The following PUM1 variants were observed in gnomAD, a reference collection of about 807,000 sequenced individuals.
PUM1 encodes the protein pumilio RNA binding family member 1, also known as pumilio homolog 1.
PUM1 carries 13 observed loss-of-function variants against 131.8 expected under a neutral mutation model. The observed-to-expected ratio is 0.10, with a 90% CI of 0.06 to 0.16. The LOEUF is 0.16. PUM1 is among the 10% of genes least tolerant of loss of function. The pLI is 1.00. For missense variants in PUM1, 961 were observed against 1,512.4 expected (o/e 0.64, Z 6.05); for synonymous variants, 509 against 556.5 (o/e 0.91, Z 1.20).
At chr1:31,011,570 T>C (rs1243616619) in intron 3 of PUM1, among the ~76,000 whole-genome samples, 3 of 152,332 alleles carry the variant, frequency 2.0e-5, no homozygotes, top group Non-Finnish European at 4.4e-5. Flanking sequence ...CAAATGATAA[T>C]GTGTTATCCA....
intron 2 of PUM1, among the ~76,000 whole-genome samples, chr1:31,057,678 T>C (rs1293952138): frequency 7.1e-6 from 1 of 140,168 alleles, no homozygotes; most frequent in Non-Finnish European, 1.5e-5. Flanking sequence ...TGAGCCGAGA[T>C]TGTGCCACTG....
At chr1:30,948,255 A>T (rs1639765073) in intron 17 of PUM1, among the ~76,000 whole-genome samples, 1 of 152,214 alleles carries the variant, frequency 6.6e-6, no homozygotes, top group Admixed American at 6.5e-5. Flanking sequence ...GAATACTTAT[A>T]AACAAAATGA....
chr1:31,024,152 G>A (rs1643139544), intron 3 of PUM1, among the ~76,000 whole-genome samples: 1 of 152,062 alleles, frequency 6.6e-6, no homozygotes, highest in Non-Finnish European at 1.5e-5. Context: ...TTGTCTTACG[G>A]GTAGAAAAAA....
At chr1:31,014,963 T>TTAAA (rs1291063982) in intron 3 of PUM1, among the ~76,000 whole-genome samples, 1 of 152,072 alleles carries the variant, frequency 6.6e-6, no homozygotes, top group Non-Finnish European at 1.5e-5. Flanking sequence ...CCCTGTCTCT[T>TTAAA]TAAATAAATA....
intron 6 of PUM1, among the ~76,000 whole-genome samples, chr1:30,993,171 C>A (rs1299761327): frequency 6.6e-6 from 1 of 151,902 alleles, no homozygotes; most frequent in Non-Finnish European, 1.5e-5. Context: ...TATTACTGAC[C>A]AATGTTAAAA....
intron 10 of PUM1, among the ~76,000 whole-genome samples, chr1:30,972,640 G>A (rs1454076821): frequency 8.0e-5 from 12 of 150,212 alleles, no homozygotes; most frequent in Admixed American, 6.0e-4. Flanking sequence ...CAGGTGTGGC[G>A]GCACACACCT....
chr1:30,976,227 A>C (rs1641133383), intron 9 of PUM1, among the ~76,000 whole-genome samples: 1 of 152,240 alleles, frequency 6.6e-6, no homozygotes, highest in African/African-American at 2.4e-5. Flanking sequence ...TATCAACCCA[A>C]GTGTGGCAGA....
rs200963670 is a variant in PUM1, at chr1:30,981,269, C to T, written c.1252+43G>A. 193 of 1,266,578 alleles carry T rather than the reference C, an allele frequency of 1.5e-4. 1 individual carries two copies. The African/African-American group carries it at 2.4e-3, about 16-fold the overall frequency. The allele number at this position is 1,266,578 out of a possible 1,614,324, so 78.5% of individuals were successfully genotyped here. A position where few individuals can be genotyped will look rare whatever the true frequency, so the allele number is the denominator to read the frequency against. On this transcript the variant is annotated intron_variant, in intron 8 of 21. Transcript: ENST00000426105. ...ACAGCAACCAGTTATCCTAAAATGG[C>T]GGCCACACCTATCATGAAAGAGCTA...
At chr1:30,990,188 T>C (rs914006480) in intron 7 of PUM1, among the ~76,000 whole-genome samples, 3 of 152,196 alleles carry the variant, frequency 2.0e-5, no homozygotes, top group African/African-American at 7.2e-5. Context: ...GATATTATAA[T>C]AGGGATGGGG....
intron 15 of PUM1, among the ~76,000 whole-genome samples, chr1:30,953,005 A>AAAAAAC (rs1357737780): frequency 2.0e-5 from 3 of 151,818 alleles, no homozygotes; most frequent in Non-Finnish European, 4.4e-5. Context: ...AAACAAAACA[A>AAAAAAC]AAAAACAAAA....
At chr1:30,979,545 A>T (rs953705186) in intron 9 of PUM1, among the ~76,000 whole-genome samples, 1 of 152,140 alleles carries the variant, frequency 6.6e-6, no homozygotes, top group Non-Finnish European at 1.5e-5. Flanking sequence ...AGTAAGTTGT[A>T]ATGATCAGCC....
At chr1:30,968,568 CAACTTTTAAAACTT>C (rs1640724442) in intron 10 of PUM1, 76 bp from the exon 11 acceptor site, 19 of 1,477,112 alleles carry the variant, frequency 1.3e-5, no homozygotes, top group Non-Finnish European at 1.7e-5. Flanking sequence ...CAGGTTGGGT[CAACTTTTAAAACTT>C]AATTGTAAAT....
At chr1:31,045,375 C>T (rs1363388011) in intron 2 of PUM1, among the ~76,000 whole-genome samples, 3 of 149,506 alleles carry the variant, frequency 2.0e-5, no homozygotes, top group Admixed American at 6.7e-5. Context: ...TGGCCTCAGA[C>T]GATCCACCCA....
intron 3 of PUM1, among the ~76,000 whole-genome samples, chr1:31,027,043 C>G (rs539887198): frequency 6.6e-6 from 1 of 151,488 alleles, no homozygotes; most frequent in Non-Finnish European, 1.5e-5. Context: ...TTACCCTCTA[C>G]TGAAATTGTT....
At chr1:31,021,591 T>C (rs2124534810) in intron 3 of PUM1, among the ~76,000 whole-genome samples, 1 of 152,268 alleles carries the variant, frequency 6.6e-6, no homozygotes, top group African/African-American at 2.4e-5. Flanking sequence ...TCATTATGTA[T>C]AAAACAAACT....
chr1:31,017,403 G>A (rs1413785423), intron 3 of PUM1, among the ~76,000 whole-genome samples: 1 of 152,120 alleles, frequency 6.6e-6, no homozygotes, highest in African/African-American at 2.4e-5. Context: ...CTTAAAGAAG[G>A]GGACAGAATT....
At chr1:30,936,921 C>G in intron 20 of PUM1, 86 bp from the exon 21 acceptor site, 3 of 1,172,920 alleles carry the variant, frequency 2.6e-6, no homozygotes, top group Non-Finnish European at 3.6e-6. Flanking sequence ...GCCCTGACCT[C>G]CGGACCAGCA....
rs759603978 is a variant in PUM1 at position 30,942,040 on chromosome 1, A to T, written c.3078T>A (p.Pro1026=). The change falls in exon 19 of 22, where the codon CCT becomes CCA. Residue 1026 remains proline, a synonymous_variant. Coordinates refer to ENST00000426105, the MANE Select transcript of PUM1 (RefSeq NM_001020658.2). ...TGTGCTGGTGAAGCTCCTCTAAAAT[A>T]GGGAGTGTCTGGTCAGGGAGACAGT... The part of the protein sequence containing the change: ...LEHCLPDQTL[P]ILEELHQHTE... The T allele has an allele frequency of 3.1e-6, 5 of 1,598,720 alleles. No individual in the cohort carries two copies. The highest frequency in any genetic ancestry group is 4.3e-6 in the Non-Finnish European group (5 of 1,170,772).
intron 1 of PUM1, among the ~76,000 whole-genome samples, chr1:31,063,250 A>C (rs947247114): frequency 6.6e-6 from 1 of 152,184 alleles, no homozygotes; most frequent in Non-Finnish European, 1.5e-5. Context: ...TTCCTCATCT[A>C]GAAAATGAAA....
Sources: gnomAD v4.1 joint callset for allele counts (sites outside exome capture counted in the v4.1 genomes callset) on GRCh38, gnomAD v4.1.1 for gene constraint, MANE v1.5 for transcripts, NCBI Gene and HGNC (gene_info 2026-07-23, HGNC 2026-07-21) for gene names.